Variants in CDH13 observed in about 807,000 individuals in gnomAD.
CDH13 encodes the protein cadherin 13, also known as cadherin-13.
In CDH13, 24 loss-of-function variants were observed where a neutral mutation model predicts 63.8. The ratio of observed to expected loss-of-function variants is 0.38; its 90% CI spans 0.27 to 0.53. The LOEUF is 0.53. Ranked by LOEUF, CDH13 falls within the 20% of genes least tolerant of loss-of-function variation. The probability of loss-of-function intolerance (pLI) is 0.85; values close to 1 mark genes in which losing one functional copy is unlikely to be tolerated. For missense variants in CDH13, 1,049 were observed against 903.1 expected (o/e 1.16, Z -2.07); for synonymous variants, 503 against 355.3 (o/e 1.42, Z -4.67).
In CDH13 at chr16:83,597,883, G is replaced by A. The variant is rs113430202; in HGVS notation, c.961-4571G>A. Among the ~76,000 whole-genome samples, 651 of 152,264 alleles carry A rather than the reference G, an allele frequency of 4.3e-3. 8 individuals carry two copies. The highest frequency in any genetic ancestry group is 0.015 in the African/African-American group (617 of 41,524). ...TTCCCTTGTGCTACCGTAAGAATTT[G>A]TACATACCTCTGCTAAGCTTTGATT... On this transcript the variant is annotated intron_variant, in intron 7 of 13. Coordinates refer to ENST00000567109, the MANE Select transcript of CDH13 (RefSeq NM_001257.5).
At chr16:82,675,177 A>G (rs760037954) in intron 1 of CDH13, among the ~76,000 whole-genome samples, 12 of 152,234 alleles carry the variant, frequency 7.9e-5, no homozygotes, top group Non-Finnish European at 1.5e-4. Context: ...TAAAAGACAC[A>G]CTACAGTGAA....
At chr16:82,725,781 A>T (rs1352609839) in intron 1 of CDH13, among the ~76,000 whole-genome samples, 1 of 152,136 alleles carries the variant, frequency 6.6e-6, no homozygotes, top group Non-Finnish European at 1.5e-5. Context: ...TTCTTTTTTA[A>T]TGAATATGAT....
chr16:83,193,297 CA>C (rs1252425090), intron 4 of CDH13, among the ~76,000 whole-genome samples: 1 of 151,824 alleles, frequency 6.6e-6, no homozygotes, highest in East Asian at 1.9e-4. Flanking sequence ...TCCTATTTTA[CA>C]GTGGAGGGAG....
chr16:83,105,124 C>A (rs983356259), intron 3 of CDH13, among the ~76,000 whole-genome samples: 1 of 152,124 alleles, frequency 6.6e-6, no homozygotes, highest in African/African-American at 2.4e-5. Context: ...AGATATGAAG[C>A]CCAGCATGCA....
intron 3 of CDH13, among the ~76,000 whole-genome samples, chr16:83,082,752 G>A (rs2033340213): frequency 6.6e-6 from 1 of 152,180 alleles, no homozygotes; most frequent in Admixed American, 6.5e-5. Flanking sequence ...GTAGAAGTAA[G>A]TACAGAATCA....
At chr16:82,686,311 C>T (rs953752251) in intron 1 of CDH13, among the ~76,000 whole-genome samples, 2 of 152,128 alleles carry the variant, frequency 1.3e-5, no homozygotes, top group Non-Finnish European at 2.9e-5. Context: ...GAATTCGTCT[C>T]CTCCTGGTTC....
chr16:83,168,938 G>A (rs2037805136), intron 4 of CDH13, among the ~76,000 whole-genome samples: 1 of 152,066 alleles, frequency 6.6e-6, no homozygotes, highest in Non-Finnish European at 1.5e-5. Flanking sequence ...TTTCCCACCA[G>A]TCATTAATTA....
At chr16:82,995,517 C>A (rs2151414162) in intron 2 of CDH13, among the ~76,000 whole-genome samples, 1 of 152,280 alleles carries the variant, frequency 6.6e-6, no homozygotes, top group Middle Eastern at 3.4e-3. Flanking sequence ...GATGGCATGG[C>A]AACAGGATGC....
At chr16:83,168,786 C>G (rs2037798589) in intron 4 of CDH13, among the ~76,000 whole-genome samples, 1 of 152,036 alleles carries the variant, frequency 6.6e-6, no homozygotes, top group African/African-American at 2.4e-5. Flanking sequence ...AAATTGTATT[C>G]TGCTTTTTAA....
chr16:83,500,023 G>A (rs975393759), intron 7 of CDH13, among the ~76,000 whole-genome samples: 2 of 151,816 alleles, frequency 1.3e-5, no homozygotes, highest in Non-Finnish European at 2.9e-5. Context: ...GGCTGGTCTT[G>A]AACTCATGAC....
intron 5 of CDH13, among the ~76,000 whole-genome samples, chr16:83,306,802 T>C (rs1297203971): frequency 1.3e-5 from 2 of 152,074 alleles, no homozygotes; most frequent in East Asian, 1.9e-4. Context: ...CCCACCAAAA[T>C]ATTTGAAGCT....
chr16:83,789,658 C>A (rs114996600), intron 13 of CDH13, among the ~76,000 whole-genome samples: 19,354 of 151,872 alleles, frequency 0.13, 2,007 homozygotes, highest in African/African-American at 0.29. Flanking sequence ...CTGAAATTAG[C>A]TATTAAAGTA....
chr16:83,312,942 A>G (rs578221510), intron 5 of CDH13, among the ~76,000 whole-genome samples: 5 of 152,304 alleles, frequency 3.3e-5, no homozygotes, highest in African/African-American at 1.2e-4. Context: ...ACCATTCCAA[A>G]GCCCGCTGTA....
intron 10 of CDH13, among the ~76,000 whole-genome samples, chr16:83,734,659 C>T (rs1365368586): frequency 6.6e-6 from 1 of 150,834 alleles, no homozygotes; most frequent in Admixed American, 6.6e-5. Context: ...GTGCAGCACA[C>T]CAGCATGGCA....
At chr16:83,453,080 T>A (rs1321716229) in intron 6 of CDH13, among the ~76,000 whole-genome samples, 1 of 152,180 alleles carries the variant, frequency 6.6e-6, no homozygotes, top group African/African-American at 2.4e-5. Flanking sequence ...GCCACCTGGA[T>A]GGGATTGGAG....
intron 10 of CDH13, among the ~76,000 whole-genome samples, chr16:83,694,148 G>C (rs191982117): frequency 1.3e-5 from 2 of 152,322 alleles, no homozygotes. Flanking sequence ...GAAAAAATGA[G>C]TAGCCGCCAG....
intron 2 of CDH13, among the ~76,000 whole-genome samples, chr16:82,893,951 G>C (rs1329119133): frequency 6.6e-6 from 1 of 152,014 alleles, no homozygotes; most frequent in Non-Finnish European, 1.5e-5. Flanking sequence ...ATGTTTTCCT[G>C]CTCTACTTTA....
intron 8 of CDH13, among the ~76,000 whole-genome samples, chr16:83,620,388 T>C (rs1157457307): frequency 3.8e-5 from 1 of 26,056 alleles, no homozygotes. Flanking sequence ...AGACTCCGTC[T>C]CAAAAAAAAA....
chr16:83,236,213 G>GC (rs1471102070), intron 5 of CDH13, among the ~76,000 whole-genome samples: 5 of 135,506 alleles, frequency 3.7e-5, no homozygotes, highest in Non-Finnish European at 6.2e-5. Flanking sequence ...CTGAGAGATA[G>GC]CCCCCTGCAA....
Sources: gnomAD v4.1 joint callset for allele counts (sites outside exome capture counted in the v4.1 genomes callset) on GRCh38, gnomAD v4.1.1 for gene constraint, MANE v1.5 for transcripts, NCBI Gene and HGNC (gene_info 2026-07-23, HGNC 2026-07-21) for gene names.